CEP350: variants seen among roughly 807,000 people sequenced by gnomAD.
CEP350 encodes centrosome-associated protein 350.
Under a neutral mutation model 331.8 loss-of-function variants are expected in CEP350, and 126 were observed. The observed-to-expected ratio is 0.38, with a 90% confidence interval of 0.33 to 0.44. CEP350 has a LOEUF of 0.44. CEP350 is among the 20% of genes least tolerant of loss of function. The probability of loss-of-function intolerance (pLI) is 1.00; values close to 1 mark genes in which losing one functional copy is unlikely to be tolerated. For missense variants in CEP350, 3,406 were observed against 3,634.6 expected (o/e 0.94, Z 1.62); for synonymous variants, 1,200 against 1,259.5 (o/e 0.95, Z 1.00).
chr1:179,985,472 G>T (rs775041709), intron 1 of CEP350, among the ~76,000 whole-genome samples: 3 of 152,220 alleles, frequency 2.0e-5, no homozygotes, highest in Non-Finnish European at 4.4e-5. Context: ...TGTACAAATA[G>T]TTCCTTGAGC....
chr1:180,039,247 CAA>C (rs1182311941), intron 17 of CEP350, among the ~76,000 whole-genome samples: 2 of 53,156 alleles, frequency 3.8e-5, no homozygotes. Context: ...AACCCTGTCT[CAA>C]AAAAAAAAGG....
At position 180,095,613 on chromosome 1, in the gene CEP350, G is replaced by A. The variant is rs753051218; in HGVS notation, c.8602G>A (p.Gly2868Arg). 1 of 1,613,784 alleles carries A rather than the reference G, an allele frequency of 6.2e-7. No individual in the cohort carries two copies. The highest frequency in any genetic ancestry group is 1.7e-5 in the Admixed American group (1 of 60,000). The change falls in exon 35 of 38, where the codon GGA becomes AGA. Residue 2868 changes from glycine to arginine, a missense_variant. Physicochemically the swap from Gly to Arg is moderately radical, Grantham distance 125. Around this residue, in one of 5 missense-constraint regions of CEP350, gnomAD observed 1,415 missense variants for 1,512.3 expected, o/e 0.94. Transcript: ENST00000367607. ...ELSREFLSALGDDQDWFDEDF... is the reference protein window; with the variant it reads ...ELSREFLSALRDDQDWFDEDF... ...CAGCCGGGAGTTCCTGAGCGCGTTA[G>A]GAGATGATCAAGACTGGTTTGATGA...
In CEP350 at chr1:180,062,396, C is replaced by A. The variant is rs896763344; in HGVS notation, c.5409+30C>A. ...ACTACATGAAGTTATTATTTGTTTC[C>A]TGTCTTATTTTGATTGTCGGTATCT... On this transcript the variant is annotated intron_variant, in intron 26 of 37. Transcript: ENST00000367607. 30 of 1,554,974 alleles carry A rather than the reference C, an allele frequency of 1.9e-5. No individual in the cohort carries two copies. The Admixed American group carries it at 2.5e-4, about 13-fold the overall frequency.
At chr1:179,968,574 G>A in intron 1 of CEP350, 1 of 329,200 alleles carries the variant, frequency 3.0e-6, no homozygotes, top group Non-Finnish European at 5.9e-6. Context: ...CGTGGAAGGA[G>A]ACTTTTGAAA....
chr1:180,049,604 C>T (rs1374190621), intron 22 of CEP350, among the ~76,000 whole-genome samples: 1 of 145,606 alleles, frequency 6.9e-6, no homozygotes, highest in Non-Finnish European at 1.5e-5. Context: ...GGTGCAGTGG[C>T]GTGATCTCAG....
At chr1:180,083,841 G>A (rs1659704227) in intron 30 of CEP350, among the ~76,000 whole-genome samples, 177 bp from the exon 31 acceptor site, 1 of 152,090 alleles carries the variant, frequency 6.6e-6, no homozygotes, top group South Asian at 2.1e-4. Context: ...GCGGCGGGGA[G>A]GGTGGGAATT....
At chr1:180,041,882 T>C in intron 19 of CEP350, 80 bp downstream of exon 19, 1 of 1,320,964 alleles carries the variant, frequency 7.6e-7, no homozygotes, top group Non-Finnish European at 1.0e-6. Context: ...AATGGGTTTC[T>C]AATATCTTAG....
Position 180,108,456 on chromosome 1 carries a change from C to T in CEP350, c.9190-2541C>T, listed in dbSNP as rs1024115650. 4.6e-5 allele frequency among the ~76,000 whole-genome samples: 7 copies of T among 152,008 alleles called. No homozygotes were observed. In the South Asian group the frequency reaches 8.3e-4, roughly 18 times the overall value. On this transcript the variant is annotated intron_variant, in intron 37 of 37. Coordinates refer to ENST00000367607, the MANE Select transcript of CEP350 (RefSeq NM_014810.5). The stretch of plus-strand genomic sequence containing the variant: ...TGGAGGTTACAGTGAGCTGAGATCA[C>T]GCCACTGCACTCCAGCCTGGGTGAC...
chr1:179,984,161 A>G (rs955672675), intron 1 of CEP350, among the ~76,000 whole-genome samples: 1 of 152,206 alleles, frequency 6.6e-6, no homozygotes, highest in Non-Finnish European at 1.5e-5. Flanking sequence ...AAATATGTTC[A>G]TTTCAGTGTT....
chr1:179,997,072 G>C lies in CEP350; in HGVS notation c.915G>C (p.Lys305Asn), dbSNP rs1359658500. Residue 305 changes from lysine (K) to asparagine (N), a missense_variant, in exon 6 of 38, where the codon AAG becomes AAC. This residue lies in a region of CEP350 where 1,857 missense variants were observed against 1,909.2 expected (regional missense o/e 0.97). Coordinates refer to ENST00000367607, the MANE Select transcript of CEP350 (RefSeq NM_014810.5). ...AAGAAACAAATGGCCGGGGCCAGAA[G>C]CTGGGTCATATTGACCATCCAGTAA... ...HSEETNGRGQ[K>N]LGHIDHPVMV... 2 of 1,614,038 alleles carry C rather than the reference G, an allele frequency of 1.2e-6. No individual in the cohort carries two copies. Among genetic ancestry groups the C allele is most frequent in the South Asian group, 2.2e-5 (2 of 91,082 alleles).
intron 1 of CEP350, among the ~76,000 whole-genome samples, chr1:179,984,270 G>A (rs1652490938): frequency 6.6e-6 from 1 of 152,204 alleles, no homozygotes; most frequent in Non-Finnish European, 1.5e-5. Context: ...AAAACACCAA[G>A]CATTTGTGAT....
intron 1 of CEP350, among the ~76,000 whole-genome samples, chr1:179,975,202 G>A (rs1651769799): frequency 6.6e-6 from 1 of 152,002 alleles, no homozygotes; most frequent in Admixed American, 6.6e-5. Flanking sequence ...TTCAGAAAGT[G>A]TACTCTAGAT....
chr1:180,047,757 C>CAAAAAAAAA (rs5779043), intron 21 of CEP350, among the ~76,000 whole-genome samples: 2 of 74,036 alleles, frequency 2.7e-5, no homozygotes, highest in Non-Finnish European at 4.8e-5. Flanking sequence ...TGAAACTCCT[C>CAAAAAAAAA]AAAAAAAAAA....
At chr1:179,961,533 A>G (rs1650621020) in intron 1 of CEP350, among the ~76,000 whole-genome samples, 1 of 152,174 alleles carries the variant, frequency 6.6e-6, no homozygotes, top group Admixed American at 6.5e-5. Context: ...CATTAAAAAA[A>G]TGCTAGCTCC....
chr1:180,009,641 A>C (rs1331111930), intron 8 of CEP350, among the ~76,000 whole-genome samples: 2 of 152,230 alleles, frequency 1.3e-5, no homozygotes, highest in African/African-American at 4.8e-5. Context: ...ATAAATTACT[A>C]TCCAGTGTAT....
Position 180,095,694 on chromosome 1 carries a change from A to G in CEP350, c.8683A>G (p.Ile2895Val), listed in dbSNP as rs747308138. ...CCAAAAAAATAAGGCAGAAGAAACC[A>G]TTGTACCTCTAATGGCAGAACCTAA... Reference protein sequence around the residue: ...KIQKNKAEETIVPLMAEPKRV... With the variant: ...KIQKNKAEETVVPLMAEPKRV... Residue 2895 changes from isoleucine (I) to valine (V), a missense_variant, in exon 35 of 38, where the codon ATT becomes GTT. Ile to Val is a conservative substitution (Grantham distance 29). This residue lies in a region of CEP350 where 1,415 missense variants were observed against 1,512.3 expected (regional missense o/e 0.94). Transcript: ENST00000367607. 5 of 1,613,914 alleles carry G rather than the reference A, an allele frequency of 3.1e-6. No homozygotes were observed. Among genetic ancestry groups the G allele is most frequent in the Non-Finnish European group, 4.2e-6 (5 of 1,179,902 alleles).
Position 180,003,171 on chromosome 1 carries a change from T to C in CEP350, c.1019-3T>C. 6.3e-7 allele frequency: 1 copy of C among 1,594,464 alleles called. No individual in the cohort carries two copies. The highest frequency in any genetic ancestry group is 8.6e-7 in the Non-Finnish European group (1 of 1,165,756). ...AATATTCTGTGTTACTGGTATGTAT[T>C]AGGTTTCAACCCTTCAGAGACCAAG... On this transcript the variant is annotated splice_polypyrimidine_tract_variant and splice_region_variant and intron_variant, in intron 6 of 37. Transcript: ENST00000367607.
chr1:180,072,641 T>A (rs1017016530), intron 27 of CEP350, among the ~76,000 whole-genome samples: 7 of 152,198 alleles, frequency 4.6e-5, no homozygotes, highest in African/African-American at 1.7e-4. Flanking sequence ...TGAATATGTG[T>A]GTTTTTGCGT....
chr1:180,058,223 A>G (rs952147357), intron 25 of CEP350, among the ~76,000 whole-genome samples: 1 of 152,240 alleles, frequency 6.6e-6, no homozygotes, highest in African/African-American at 2.4e-5. Flanking sequence ...GCAAGAAAGT[A>G]TAATACTGCA....
Sources: allele counts gnomAD v4.1 joint callset (sites outside exome capture counted in the v4.1 genomes callset), GRCh38; gene constraint gnomAD v4.1.1; regional missense constraint gnomAD v4.1.1; transcripts MANE v1.5; gene names NCBI Gene and HGNC (gene_info 2026-07-23, HGNC 2026-07-21).